IRAG1: variants seen among roughly 807,000 people sequenced by gnomAD.
The protein encoded by IRAG1 is IP3R-associated cGMP kinase substrate.
A neutral mutation model predicts 106.2 loss-of-function variants in IRAG1; 62 were observed. The ratio of observed to expected loss-of-function variants is 0.58; its 90% confidence interval spans 0.48 to 0.72. IRAG1 has a LOEUF of 0.72. Among genes scored for constraint, IRAG1 ranks in the 30% least tolerant of loss-of-function variants. The probability of loss-of-function intolerance (pLI) is 0.00; values close to 1 mark genes in which losing one functional copy is unlikely to be tolerated. For missense variants in IRAG1, 1,064 were observed against 1,140.7 expected (o/e 0.93, Z 0.97); for synonymous variants, 462 against 443.9 (o/e 1.04, Z -0.51).
chr11:10,664,193 C>T (rs956171410), intron 1 of IRAG1, among the ~76,000 whole-genome samples: 1 of 152,110 alleles, frequency 6.6e-6, no homozygotes, highest in African/African-American at 2.4e-5. Flanking sequence ...CACGGCATCC[C>T]CTGGGGTAGA....
At chr11:10,685,201 T>C (rs901448981) in intron 1 of IRAG1, among the ~76,000 whole-genome samples, 1 of 152,178 alleles carries the variant, frequency 6.6e-6, no homozygotes, top group African/African-American at 2.4e-5. Context: ...CCCAGCACTT[T>C]GAAAGGAGGC....
intron 14 of IRAG1, 54 bp downstream of exon 14, chr11:10,603,066 C>A: frequency 6.4e-7 from 1 of 1,565,490 alleles, no homozygotes; most frequent in Non-Finnish European, 8.7e-7. Context: ...GGTGATTGCT[C>A]TACTTTACGT....
chr11:10,614,102 G>T (rs190776292), intron 10 of IRAG1, among the ~76,000 whole-genome samples: 412 of 152,214 alleles, frequency 2.7e-3, no homozygotes, highest in African/African-American at 9.3e-3. Flanking sequence ...TACCTACCCT[G>T]CCTCTACCTT....
intron 2 of IRAG1, among the ~76,000 whole-genome samples, chr11:10,645,182 C>T (rs565070545): frequency 2.1e-4 from 32 of 152,216 alleles, no homozygotes; most frequent in African/African-American, 7.2e-4. Flanking sequence ...ACTTCAATTC[C>T]TCGATTCCAT....
intron 1 of IRAG1, among the ~76,000 whole-genome samples, chr11:10,655,112 T>C (rs1177876291): frequency 1.3e-5 from 2 of 152,194 alleles, no homozygotes; most frequent in Non-Finnish European, 2.9e-5. Context: ...CTAAAGGAAG[T>C]TGGCTACATC....
In IRAG1 at chr11:10,629,391, G is replaced by C. The variant is rs1190622984; in HGVS notation, c.574+147C>G. ...CAGAGATCAAGGGAAGGGAGCCCAG[G>C]ACAGAATCCTGACCTCTGCTGAGGA... On this transcript the variant is annotated intron_variant, in intron 5 of 20. Coordinates refer to ENST00000423302, the MANE Select transcript of IRAG1 (RefSeq NM_130385.4). The C allele has an allele frequency of 2.4e-5, 19 of 799,396 alleles. No individual in the cohort carries two copies. In the East Asian group the frequency reaches 5.2e-4, roughly 22 times the overall value. 49.5% of individuals were successfully genotyped at this position (799,396 alleles called of 1,614,324 possible).
At chr11:10,671,805 A>T (rs980866209) in intron 1 of IRAG1, among the ~76,000 whole-genome samples, 9 of 152,212 alleles carry the variant, frequency 5.9e-5, no homozygotes, top group Admixed American at 5.9e-4. Flanking sequence ...TCTGAGAGAT[A>T]TGAAATATAT....
intron 2 of IRAG1, among the ~76,000 whole-genome samples, chr11:10,642,931 G>A (rs901059240): frequency 2.0e-5 from 3 of 152,076 alleles, no homozygotes; most frequent in Non-Finnish European, 4.4e-5. Context: ...TTGGGAGGCC[G>A]AGGCATGGCC....
intron 1 of IRAG1, among the ~76,000 whole-genome samples, chr11:10,662,269 C>G (rs1859460625): frequency 6.6e-6 from 1 of 152,134 alleles, no homozygotes; most frequent in Non-Finnish European, 1.5e-5. Context: ...TAGCCATCAT[C>G]TGGGTTGCTA....
At chr11:10,595,952 G>T (rs1853253936) in intron 15 of IRAG1, among the ~76,000 whole-genome samples, 1 of 152,148 alleles carries the variant, frequency 6.6e-6, no homozygotes, top group Non-Finnish European at 1.5e-5. Context: ...GCAGTATTTG[G>T]TTTTCTCTTC....
At chr11:10,590,763 G>A (rs149571048) in intron 18 of IRAG1, among the ~76,000 whole-genome samples, 3 of 152,316 alleles carry the variant, frequency 2.0e-5, no homozygotes, top group East Asian at 1.9e-4. Flanking sequence ...TTGCATAGAT[G>A]CCTAGAAAAT....
intron 4 of IRAG1, chr11:10,629,994 C>T: frequency 2.6e-6 from 1 of 384,092 alleles, no homozygotes; most frequent in South Asian, 4.7e-5. Flanking sequence ...GAAGGCCACC[C>T]AGGAGCCTTA....
rs554212195 is a variant in IRAG1 at position 10,633,220 on chromosome 11, G to A, written c.329+748C>T. Among the ~76,000 whole-genome samples, 49 of 151,640 alleles carry A rather than the reference G, an allele frequency of 3.2e-4. No homozygotes were observed. The South Asian group carries it at 5.4e-3, about 17-fold the overall frequency. ...CTCCCGAGTAGCTGGGACTACAGGC[G>A]CCCGCCACCACACCCGGCTAATTTT... On this transcript the variant is annotated intron_variant, in intron 3 of 20. Coordinates refer to ENST00000423302, the MANE Select transcript of IRAG1 (RefSeq NM_130385.4).
intron 1 of IRAG1, among the ~76,000 whole-genome samples, chr11:10,692,283 CA>C (rs578178526): frequency 3.4e-4 from 52 of 152,232 alleles, no homozygotes; most frequent in Non-Finnish European, 5.9e-4. Context: ...TCAAAAATCG[CA>C]AGACACAATT....
chr11:10,656,979 G>A (rs1479244823), intron 1 of IRAG1, among the ~76,000 whole-genome samples: 1 of 152,138 alleles, frequency 6.6e-6, no homozygotes, highest in Non-Finnish European at 1.5e-5. Flanking sequence ...TCGGGCCGGG[G>A]TCTTATGAGG....
chr11:10,631,893 A>C, intron 4 of IRAG1, 98 bp downstream of exon 4: 8 of 923,320 alleles, frequency 8.7e-6, no homozygotes, highest in Non-Finnish European at 1.4e-5. Flanking sequence ...ATCGGGAGGG[A>C]GCGCCTTAAA....
chr11:10,591,591 C>T lies in IRAG1; in HGVS notation c.2197G>A (p.Gly733Ser), dbSNP rs763901268. 1 of 1,597,176 alleles carries T rather than the reference C, an allele frequency of 6.3e-7. No homozygotes were observed. Among genetic ancestry groups the T allele is most frequent in the Admixed American group, 1.7e-5 (1 of 57,428 alleles). Residue 733 changes from glycine (G) to serine (S), a missense_variant, in exon 18 of 21, where the codon GGC becomes AGC. By Grantham distance (56) the Gly-to-Ser change is moderately conservative. Coordinates refer to ENST00000423302, the MANE Select transcript of IRAG1 (RefSeq NM_130385.4). Reference protein sequence around the residue: ...PALSESPNGKGSLPVTSALPA... With the variant: ...PALSESPNGKSSLPVTSALPA... The stretch of plus-strand genomic sequence containing the variant: ...AGTGCTGAAGTGACAGGTAGGCTGC[C>T]TTTCCCATTGGGTGATTCCGACTGA...
intron 1 of IRAG1, among the ~76,000 whole-genome samples, chr11:10,662,405 A>C (rs899194622): frequency 1.3e-5 from 2 of 152,250 alleles, no homozygotes; most frequent in South Asian, 2.1e-4. Flanking sequence ...CAGATGTGCA[A>C]ATTTCTCCCA....
chr11:10,687,269 A>G (rs1406606819), intron 1 of IRAG1, among the ~76,000 whole-genome samples: 1 of 152,016 alleles, frequency 6.6e-6, no homozygotes, highest in Non-Finnish European at 1.5e-5. Flanking sequence ...GGTACCCCAG[A>G]GTGCCACGCT....
Sources: gnomAD v4.1 joint callset for allele counts (sites outside exome capture counted in the v4.1 genomes callset) on GRCh38, gnomAD v4.1.1 for gene constraint, MANE v1.5 for transcripts, NCBI Gene and HGNC (gene_info 2026-07-23, HGNC 2026-07-21) for gene names.